The following RTKN2 variants were observed in gnomAD, a reference collection of about 807,000 sequenced individuals.
The protein encoded by RTKN2 is rhotekin 2, also known as rhotekin-2.
Under a neutral mutation model 71.5 loss-of-function variants are expected in RTKN2, and 69 were observed. The ratio of observed to expected loss-of-function variants is 0.96; its 90% CI spans 0.79 to 1.18. The LOEUF (loss-of-function observed/expected upper bound fraction) is 1.18. Ranked by LOEUF, RTKN2 falls within the 50% of genes most tolerant of loss-of-function variation. The pLI is 0.00. For missense variants in RTKN2, 724 were observed against 719.7 expected (o/e 1.01, Z -0.07); for synonymous variants, 236 against 236.5 (o/e 1.00, Z 0.02).
chr10:62,192,090 G>GT (rs1404454117), downstream of RTKN2, among the ~76,000 whole-genome samples: 5 of 149,512 alleles, frequency 3.3e-5, no homozygotes, highest in African/African-American at 7.4e-5. Context: ...CCCAAATGAG[G>GT]TTAAAAAAAA....
chr10:62,253,992 C>T (rs1041060251), intron 2 of RTKN2, among the ~76,000 whole-genome samples: 9 of 152,060 alleles, frequency 5.9e-5, no homozygotes, highest in Middle Eastern at 3.4e-3. Flanking sequence ...GGGTGGGAAC[C>T]GTGACAAGAG....
At chr10:62,262,551 A>C (rs1589388365) in intron 2 of RTKN2, 74 bp downstream of exon 2, 1 of 1,033,232 alleles carries the variant, frequency 9.7e-7, no homozygotes, top group East Asian at 2.5e-5. Flanking sequence ...TTGGTACTTA[A>C]GCTTAAATTA....
At chr10:62,224,071 T>C (rs886438728) in intron 6 of RTKN2, among the ~76,000 whole-genome samples, 1 of 152,134 alleles carries the variant, frequency 6.6e-6, no homozygotes, top group Admixed American at 6.6e-5. Flanking sequence ...GAAGACATTA[T>C]GCTAAGTGAA....
chr10:62,229,708 T>C (rs1326361643), intron 6 of RTKN2, among the ~76,000 whole-genome samples: 1 of 152,212 alleles, frequency 6.6e-6, no homozygotes, highest in African/African-American at 2.4e-5. Context: ...AGAGATGGCA[T>C]GTTTAGAAGG....
At chr10:62,260,742 C>G (rs1842757951) in intron 2 of RTKN2, among the ~76,000 whole-genome samples, 1 of 150,734 alleles carries the variant, frequency 6.6e-6, no homozygotes, top group Admixed American at 6.6e-5. Context: ...ATTTAAGAAA[C>G]AGTCAATTCA....
intron 9 of RTKN2, among the ~76,000 whole-genome samples, chr10:62,213,305 A>C (rs1841700019): frequency 6.6e-6 from 1 of 152,162 alleles, no homozygotes; most frequent in South Asian, 2.1e-4. Context: ...GAGAGAGGGC[A>C]TCACCAGTAG....
chr10:62,262,698 TGC>T lies in RTKN2; in HGVS notation c.182_183del (p.Cys61Ter). ...GATGTATAGGCCATTAGTCGAGCAT[TGC>T]ACACCATGAGATTCTTAACTGCATG... ...VLHAVKNLMV[C>X]NARLMAYTSE... On this transcript the variant is annotated frameshift_variant, in exon 2 of 12. Coordinates refer to ENST00000373789, the MANE Select transcript of RTKN2 (RefSeq NM_145307.4). LOFTEE classifies it high-confidence loss of function. 14 of 1,613,796 alleles carry T rather than the reference TGC, an allele frequency of 8.7e-6. No individual in the cohort carries two copies. Among genetic ancestry groups the T allele is most frequent in the Non-Finnish European group, 1.2e-5 (14 of 1,179,718 alleles).
intron 9 of RTKN2, among the ~76,000 whole-genome samples, chr10:62,213,470 A>T (rs560004402): frequency 4.6e-5 from 7 of 152,296 alleles, no homozygotes; most frequent in Non-Finnish European, 8.8e-5. Flanking sequence ...AGGATGCATA[A>T]TCCCTGAATA....
intron 9 of RTKN2, among the ~76,000 whole-genome samples, chr10:62,215,591 C>T (rs1841752906): frequency 6.6e-6 from 1 of 151,906 alleles, no homozygotes; most frequent in African/African-American, 2.4e-5. Context: ...GAAAAAGTGT[C>T]CTTGGTTTTA....
intron 1 of RTKN2, among the ~76,000 whole-genome samples, chr10:62,267,635 G>A (rs1366632703): frequency 1.3e-5 from 2 of 152,150 alleles, no homozygotes; most frequent in Non-Finnish European, 2.9e-5. Context: ...TAATAATTTT[G>A]TGTCTGCTAA....
At chr10:62,259,254 A>T in intron 2 of RTKN2, 1 of 428,166 alleles carries the variant, frequency 2.3e-6, no homozygotes. Context: ...GTGAACCGTG[A>T]GTGCATTAAA....
exon 9 of RTKN2, chr10:62,184,163 C>A (rs1841097841): frequency 5.6e-6 from 3 of 539,220 alleles, no homozygotes; most frequent in Admixed American, 3.7e-5. Context: ...CTTAAATATT[C>A]TTCTAAGGTC....
chr10:62,223,205 A>G (rs1433390855), intron 7 of RTKN2, 33 bp downstream of exon 7: 1 of 1,220,250 alleles, frequency 8.2e-7, no homozygotes, highest in Admixed American at 1.7e-5. Flanking sequence ...TAGACAGAAT[A>G]TATGTAATAA....
At chr10:62,252,743 C>T (rs1156935555) in intron 2 of RTKN2, among the ~76,000 whole-genome samples, 2 of 151,782 alleles carry the variant, frequency 1.3e-5, no homozygotes, top group Non-Finnish European at 1.5e-5. Context: ...TCTTGCATTG[C>T]TATAAAGGAA....
intron 6 of RTKN2, 72 bp downstream of exon 6, chr10:62,235,994 C>A: frequency 9.1e-7 from 1 of 1,096,600 alleles, no homozygotes; most frequent in Non-Finnish European, 1.3e-6. Context: ...TAAACATACA[C>A]TTCACATATA....
chr10:62,187,612 G>A (rs986497645), intron 8 of RTKN2, among the ~76,000 whole-genome samples: 23 of 152,198 alleles, frequency 1.5e-4, no homozygotes, highest in Non-Finnish European at 2.8e-4. Context: ...TAGTGACCTG[G>A]ATATATGTGA....
At chr10:62,203,536 G>A (rs577988776) in intron 10 of RTKN2, among the ~76,000 whole-genome samples, 2 of 152,174 alleles carry the variant, frequency 1.3e-5, no homozygotes, top group East Asian at 1.9e-4. Context: ...GTAGATACGG[G>A]GTTTTACCAT....
chr10:62,239,862 A>G lies in RTKN2; in HGVS notation c.371-97T>C, dbSNP rs1275054412. 3 of 683,382 alleles carry G rather than the reference A, an allele frequency of 4.4e-6. No individual in the cohort carries two copies. The East Asian group carries it at 8.6e-5, about 20-fold the overall frequency. 42.3% of individuals were successfully genotyped at this position (683,382 alleles called of 1,614,324 possible). The stretch of plus-strand genomic sequence containing the variant: ...AAATATTAGGTTAAATATTATTAAT[A>G]GATTCTTTTCATACATTGTATACTG... On this transcript the variant is annotated intron_variant, in intron 4 of 11. Transcript: ENST00000373789.
chr10:62,205,904 G>C (rs912828628), intron 9 of RTKN2, among the ~76,000 whole-genome samples: 1 of 152,120 alleles, frequency 6.6e-6, no homozygotes, highest in African/African-American at 2.4e-5. Context: ...CAAAGATAGA[G>C]ATTTGATGCC....
Sources: gnomAD v4.1 joint callset for allele counts (sites outside exome capture counted in the v4.1 genomes callset) on GRCh38, gnomAD v4.1.1 for gene constraint, MANE v1.5 for transcripts, NCBI Gene and HGNC (gene_info 2026-07-23, HGNC 2026-07-21) for gene names.